The following IKZF2 variants were observed in gnomAD, a reference collection of about 807,000 sequenced individuals.
IKZF2 encodes the protein zinc finger protein Helios.
Under a neutral mutation model 49.2 loss-of-function variants are expected in IKZF2, and 15 were observed. That is an observed-to-expected ratio of 0.30 (90% CI 0.20 to 0.47). The LOEUF (loss-of-function observed/expected upper bound fraction) is 0.47. IKZF2 is among the 20% of genes least tolerant of loss of function. IKZF2 has a pLI of 1.00. For missense variants in IKZF2, 567 were observed against 664.6 expected (o/e 0.85, Z 1.61); for synonymous variants, 227 against 221.4 (o/e 1.03, Z -0.23).
At chr2:213,057,937 C>G (rs775099419) in intron 4 of IKZF2, among the ~76,000 whole-genome samples, 5 of 152,180 alleles carry the variant, frequency 3.3e-5, no homozygotes, top group Non-Finnish European at 7.4e-5. Context: ...TTTGTTAGCA[C>G]AGCCTTCATT....
intron 4 of IKZF2, among the ~76,000 whole-genome samples, chr2:213,133,746 C>T (rs2060557741): frequency 7.1e-6 from 1 of 140,930 alleles, no homozygotes; most frequent in Non-Finnish European, 1.6e-5. Flanking sequence ...TAAATATTCA[C>T]TATTTTCCAG....
chr2:213,134,407 T>C (rs566595442), intron 4 of IKZF2, among the ~76,000 whole-genome samples: 1 of 152,342 alleles, frequency 6.6e-6, no homozygotes, highest in East Asian at 1.9e-4. Flanking sequence ...TCCACGATAA[T>C]TTAGGAATAC....
At chr2:213,134,522 T>C (rs1277341791) in intron 4 of IKZF2, among the ~76,000 whole-genome samples, 1 of 152,212 alleles carries the variant, frequency 6.6e-6, no homozygotes, top group Non-Finnish European at 1.5e-5. Context: ...ATAGCACTGG[T>C]TTATAACTAA....
At chr2:213,026,138 C>G (rs1201425772) in intron 6 of IKZF2, among the ~76,000 whole-genome samples, 2 of 152,124 alleles carry the variant, frequency 1.3e-5, no homozygotes, top group Non-Finnish European at 2.9e-5. Flanking sequence ...CATCCCACTC[C>G]TACCCCAGGC....
chr2:213,104,235 A>G (rs2059444373), intron 4 of IKZF2, among the ~76,000 whole-genome samples: 2 of 151,004 alleles, frequency 1.3e-5, no homozygotes, highest in South Asian at 4.2e-4. Context: ...TTAGTGTGTA[A>G]TCTCTCTACC....
Position 213,109,328 on chromosome 2 carries a change from T to C in IKZF2, c.139+38380A>G, listed in dbSNP as rs1184896608. On this transcript the variant is annotated intron_variant, in intron 4 of 8. Coordinates refer to ENST00000434687, the MANE Select transcript of IKZF2 (RefSeq NM_001387220.1). ...AAATCTTACAGGTAGTGGCAAACTG[T>C]GCATATTGTCTTGTTAATATTCATC... is the stretch of plus-strand genomic sequence containing the variant. 2.6e-5 allele frequency among the ~76,000 whole-genome samples: 4 copies of C among 152,066 alleles called. No individual in the cohort carries two copies. The East Asian group carries it at 7.7e-4, about 29-fold the overall frequency.
chr2:213,148,524 C>A, intron 3 of IKZF2, 72 bp downstream of exon 3: 5 of 1,002,470 alleles, frequency 5.0e-6, no homozygotes, highest in Non-Finnish European at 7.7e-6. Flanking sequence ...TTTCATAATC[C>A]AGGAATTAAA....
At chr2:213,015,830 C>T (rs776718884) in intron 7 of IKZF2, among the ~76,000 whole-genome samples, 1 of 152,018 alleles carries the variant, frequency 6.6e-6, no homozygotes, top group Non-Finnish European at 1.5e-5. Flanking sequence ...AACTGGTTAA[C>T]GGGTTTGCCC....
At chr2:213,077,947 T>C (rs1452951533) in intron 4 of IKZF2, among the ~76,000 whole-genome samples, 2 of 152,128 alleles carry the variant, frequency 1.3e-5, no homozygotes, top group Non-Finnish European at 2.9e-5. Flanking sequence ...TAAAATTCTA[T>C]CTATATTTCT....
At chr2:213,125,044 A>T (rs1039697293) in intron 4 of IKZF2, among the ~76,000 whole-genome samples, 2 of 152,218 alleles carry the variant, frequency 1.3e-5, no homozygotes, top group African/African-American at 4.8e-5. Flanking sequence ...TTGATATAAG[A>T]ATTCAGATTT....
Position 213,008,045 on chromosome 2 carries a change from A to G in IKZF2, c.896T>C (p.Phe299Ser). 6 of 1,612,354 alleles carry G rather than the reference A, an allele frequency of 3.7e-6. No individual in the cohort carries two copies. Among genetic ancestry groups the G allele is most frequent in the South Asian group, 1.1e-5 (1 of 90,934 alleles). The change falls in exon 9 of 9, where the codon TTT becomes TCT. Residue 299 changes from phenylalanine to serine, a missense_variant. Physicochemically the swap from Phe to Ser is radical, Grantham distance 155. Coordinates refer to ENST00000434687, the MANE Select transcript of IKZF2 (RefSeq NM_001387220.1). ...LMRFSYPDIH[F>S]DMNLTYEKEA... ...CTTCTCATATGTTAAGTTCATATCAAAGTGAATATCTGGGTAGCTGAATCG... is the reference window on the plus strand; with the variant it reads ...CTTCTCATATGTTAAGTTCATATCAGAGTGAATATCTGGGTAGCTGAATCG...
At chr2:213,060,339 T>C (rs1400575328) in intron 4 of IKZF2, among the ~76,000 whole-genome samples, 1 of 151,396 alleles carries the variant, frequency 6.6e-6, no homozygotes, top group Non-Finnish European at 1.5e-5. Flanking sequence ...TATAAGACTT[T>C]TGTTATAATA....
At chr2:213,021,960 G>A in intron 7 of IKZF2, 33 bp downstream of exon 7, 2 of 1,584,682 alleles carry the variant, frequency 1.3e-6, no homozygotes, top group African/African-American at 2.7e-5. Flanking sequence ...GCAGTAGGGG[G>A]AAATAAAAAT....
chr2:213,147,514 G>T, intron 4 of IKZF2, 194 bp downstream of exon 4: 1 of 686,166 alleles, frequency 1.5e-6, no homozygotes, highest in East Asian at 2.7e-5. Context: ...CCTTGGGATA[G>T]TTCAGACTAG....
intron 4 of IKZF2, among the ~76,000 whole-genome samples, chr2:213,066,516 G>A (rs1319118019): frequency 6.6e-6 from 1 of 152,064 alleles, no homozygotes; most frequent in African/African-American, 2.4e-5. Context: ...CTACTGGTCT[G>A]AGTCAAATAA....
intron 7 of IKZF2, chr2:213,021,759 TC>T (rs1484625416): frequency 7.0e-6 from 4 of 574,130 alleles, no homozygotes; most frequent in South Asian, 6.7e-5. Context: ...AATAGTACCT[TC>T]CTTTGGTATA....
rs530033723 is a variant in IKZF2, at chr2:213,000,031, G to T, written c.*7329C>A. The T allele has an allele frequency of 6.6e-6, 1 of 151,824 alleles. No homozygotes were observed. Among genetic ancestry groups the T allele is most frequent in the Non-Finnish European group, 1.5e-5 (1 of 67,630 alleles). 9.4% of individuals were successfully genotyped at this position (151,824 alleles called of 1,614,324 possible). A position where few individuals can be genotyped will look rare whatever the true frequency, so the allele number is the denominator to read the frequency against. On this transcript the variant is annotated 3_prime_UTR_variant, in exon 9 of 9. Transcript: ENST00000434687. ...ATGTGTGTGCATTAAAAACAAAGAA[G>T]ATACAAGTCCCACATTTTAGTCTGC...
At chr2:213,017,376 G>A (rs67012273) in intron 7 of IKZF2, among the ~76,000 whole-genome samples, 33,696 of 152,058 alleles carry the variant, frequency 0.22, 4,117 homozygotes, top group Non-Finnish European at 0.26. Context: ...CCTATTTCAT[G>A]GAGACATAAA....
intron 6 of IKZF2, among the ~76,000 whole-genome samples, chr2:213,037,539 C>T (rs975409048): frequency 1.3e-5 from 2 of 152,184 alleles, no homozygotes; most frequent in Admixed American, 6.5e-5. Context: ...GCCGGCCTGA[C>T]TGAAAGTGGC....
Sources: gnomAD v4.1 joint callset for allele counts (sites outside exome capture counted in the v4.1 genomes callset) on GRCh38, gnomAD v4.1.1 for gene constraint, MANE v1.5 for transcripts, NCBI Gene and HGNC (gene_info 2026-07-23, HGNC 2026-07-21) for gene names.